FUT9: variants seen among roughly 807,000 people sequenced by gnomAD.
FUT9 encodes the protein 4-galactosyl-N-acetylglucosaminide 3-alpha-L-fucosyltransferase 9.
A neutral mutation model predicts 29.7 loss-of-function variants in FUT9; 15 were observed. The ratio of observed to expected loss-of-function variants is 0.51; its 90% CI spans 0.34 to 0.78. The LOEUF (loss-of-function observed/expected upper bound fraction) is 0.78, where lower values mean the gene tolerates loss of function less well. Among genes scored for constraint, FUT9 ranks in the 30% least tolerant of loss-of-function variants. The pLI is 0.01. For missense variants in FUT9, 319 were observed against 425.4 expected (o/e 0.75, Z 2.20); for synonymous variants, 169 against 153.7 (o/e 1.10, Z -0.74).
At chr6:96,119,407 A>G (rs868130786) in intron 2 of FUT9, among the ~76,000 whole-genome samples, 16 of 152,326 alleles carry the variant, frequency 1.1e-4, no homozygotes, top group Middle Eastern at 3.4e-3. Context: ...AGGCAATACC[A>G]TCTAGGTTTG....
chr6:96,144,830 A>T (rs1207712203), intron 2 of FUT9, among the ~76,000 whole-genome samples: 2 of 152,162 alleles, frequency 1.3e-5, no homozygotes, highest in African/African-American at 4.8e-5. Flanking sequence ...TATAATCAGT[A>T]TTTATGGGAG....
intron 2 of FUT9, among the ~76,000 whole-genome samples, chr6:96,171,040 A>G (rs1372124947): frequency 6.6e-6 from 1 of 152,128 alleles, no homozygotes; most frequent in African/African-American, 2.4e-5. Context: ...TTGATTGCCA[A>G]TCATTTGGAG....
chr6:96,077,441 T>A (rs1771157749), intron 1 of FUT9, among the ~76,000 whole-genome samples: 1 of 152,198 alleles, frequency 6.6e-6, no homozygotes, highest in Non-Finnish European at 1.5e-5. Flanking sequence ...CTGTTCCTAT[T>A]TTTCCATAGT....
intron 1 of FUT9, among the ~76,000 whole-genome samples, chr6:96,054,212 T>G (rs1434785315): frequency 6.6e-6 from 1 of 152,216 alleles, no homozygotes; most frequent in Non-Finnish European, 1.5e-5. Flanking sequence ...TCAACTCTTC[T>G]TTACTAAGTC....
rs117615386 is a variant in FUT9, at chr6:96,022,416, T to C, written c.-98+6204T>C. ...AATGGTTAAGCAAGAGTTACAGAAA[T>C]GGGAGTGGGAAAGACATCTGGAGGT... On this transcript the variant is annotated intron_variant, in intron 1 of 2. Coordinates refer to ENST00000302103, the MANE Select transcript of FUT9 (RefSeq NM_006581.4). 3.7e-3 allele frequency among the ~76,000 whole-genome samples: 569 copies of C among 152,122 alleles called. 3 individuals carry two copies. The highest frequency in any genetic ancestry group is 5.2e-3 in the Admixed American group (79 of 15,258).
intron 1 of FUT9, among the ~76,000 whole-genome samples, chr6:96,053,564 C>T (rs1394354247): frequency 2.0e-5 from 3 of 151,982 alleles, no homozygotes; most frequent in Non-Finnish European, 4.4e-5. Flanking sequence ...AAAAAGTTAG[C>T]CGGGCATGGT....
intron 2 of FUT9, among the ~76,000 whole-genome samples, chr6:96,124,610 C>T (rs1358168632): frequency 2.0e-5 from 3 of 151,780 alleles, no homozygotes; most frequent in Non-Finnish European, 4.4e-5. Flanking sequence ...TAGTCTCCTC[C>T]CAGAAGTCTG....
At chr6:96,062,726 G>T (rs908639256) in intron 1 of FUT9, among the ~76,000 whole-genome samples, 5 of 151,976 alleles carry the variant, frequency 3.3e-5, no homozygotes, top group African/African-American at 1.2e-4. Flanking sequence ...GTATGGCTTG[G>T]ATATTTTACA....
intron 1 of FUT9, among the ~76,000 whole-genome samples, chr6:96,105,578 C>T (rs377515825): frequency 5.3e-5 from 8 of 152,188 alleles, no homozygotes; most frequent in Middle Eastern, 6.8e-3. Context: ...ATTGATTTCC[C>T]AAGAGCCTTT....
chr6:96,165,799 C>T (rs553351268), intron 2 of FUT9, among the ~76,000 whole-genome samples: 4 of 151,932 alleles, frequency 2.6e-5, no homozygotes, highest in East Asian at 2.0e-4. Flanking sequence ...TATTTTTAGT[C>T]GAGACGGAGT....
intron 1 of FUT9, among the ~76,000 whole-genome samples, chr6:96,051,347 A>G (rs1217059888): frequency 2.0e-5 from 3 of 152,108 alleles, no homozygotes; most frequent in Non-Finnish European, 4.4e-5. Context: ...CTGACTTGAA[A>G]TTCTTTTTGA....
At chr6:96,134,741 C>T (rs1018965481) in intron 2 of FUT9, among the ~76,000 whole-genome samples, 1 of 151,798 alleles carries the variant, frequency 6.6e-6, no homozygotes, top group Non-Finnish European at 1.5e-5. Flanking sequence ...CAAAAGTCCA[C>T]AGAAAGCAGG....
intron 2 of FUT9, among the ~76,000 whole-genome samples, chr6:96,114,912 T>C (rs916392245): frequency 2.0e-5 from 3 of 152,194 alleles, no homozygotes; most frequent in African/African-American, 7.2e-5. Flanking sequence ...ATTTAAGGCA[T>C]GTTTAGGGTG....
chr6:96,132,834 A>G (rs867613590), intron 2 of FUT9, among the ~76,000 whole-genome samples: 2 of 152,154 alleles, frequency 1.3e-5, no homozygotes, highest in Admixed American at 6.5e-5. Context: ...AAGCAAAAAA[A>G]CTATTTGCAG....
intron 1 of FUT9, among the ~76,000 whole-genome samples, chr6:96,066,144 C>A (rs1770957973): frequency 6.6e-6 from 1 of 152,004 alleles, no homozygotes; most frequent in Non-Finnish European, 1.5e-5. Flanking sequence ...GTGTTTATCC[C>A]AATAACTACC....
chr6:96,029,191 T>C (rs1445561528), intron 1 of FUT9, among the ~76,000 whole-genome samples: 1 of 151,542 alleles, frequency 6.6e-6, no homozygotes, highest in Non-Finnish European at 1.5e-5. Context: ...AAATTATTAT[T>C]ATCTAAATTA....
chr6:96,176,185 C>G (rs547386050), intron 2 of FUT9, among the ~76,000 whole-genome samples: 1 of 152,264 alleles, frequency 6.6e-6, no homozygotes, highest in South Asian at 2.1e-4. Flanking sequence ...TTGGACCGAG[C>G]CACACTATTG....
Position 96,037,715 on chromosome 6 carries a change from G to C in FUT9, c.-98+21503G>C, listed in dbSNP as rs552637353. 3.3e-5 allele frequency among the ~76,000 whole-genome samples: 5 copies of C among 152,006 alleles called. No individual in the cohort carries two copies. In the East Asian group the frequency reaches 9.7e-4, roughly 29 times the overall value. ...TTTTGAATGTTAAAAAAGAAAAAAAGACCCTTTTTATCTTCTCTGCAGAGA... is the reference window on the plus strand; with the variant it reads ...TTTTGAATGTTAAAAAAGAAAAAAACACCCTTTTTATCTTCTCTGCAGAGA... On this transcript the variant is annotated intron_variant, in intron 1 of 2. Coordinates refer to ENST00000302103, the MANE Select transcript of FUT9 (RefSeq NM_006581.4).
At chr6:96,074,756 A>T (rs991476044) in intron 1 of FUT9, among the ~76,000 whole-genome samples, 1 of 152,106 alleles carries the variant, frequency 6.6e-6, no homozygotes, top group African/African-American at 2.4e-5. Flanking sequence ...TAAAGTAATT[A>T]GATGGTTTTA....
Sources: gnomAD v4.1 joint callset for allele counts (sites outside exome capture counted in the v4.1 genomes callset) on GRCh38, gnomAD v4.1.1 for gene constraint, MANE v1.5 for transcripts, NCBI Gene and HGNC (gene_info 2026-07-23, HGNC 2026-07-21) for gene names.